TRAM1: variants seen among roughly 807,000 people sequenced by gnomAD.
TRAM1 encodes translocating chain-associated membrane protein 1.
TRAM1 carries 17 observed loss-of-function variants against 48.7 expected under a neutral mutation model. That is an observed-to-expected ratio of 0.35 (90% CI 0.24 to 0.52). The LOEUF (loss-of-function observed/expected upper bound fraction) is 0.52. TRAM1 is among the 20% of genes least tolerant of loss of function. The probability of loss-of-function intolerance (pLI) is 0.94; values close to 1 mark genes in which losing one functional copy is unlikely to be tolerated. For synonymous variants in TRAM1, 182 were observed against 154.0 expected (o/e 1.18, Z -1.34); for missense variants, 351 against 441.5 (o/e 0.79, Z 1.84).
chr8:70,579,170 C>T (rs1210985171), intron 10 of TRAM1, among the ~76,000 whole-genome samples: 2 of 152,206 alleles, frequency 1.3e-5, no homozygotes, highest in Admixed American at 6.5e-5. Flanking sequence ...ACAGAATGTA[C>T]TTCCACAAAT....
Position 70,608,185 on chromosome 8 carries a change from C to G in TRAM1, c.15G>C (p.Lys5Asn). Residue 5 changes from lysine (K) to asparagine (N), a missense_variant, in exon 1 of 11, where the codon AAG becomes AAC. Physicochemically the swap from Lys to Asn is moderately conservative, Grantham distance 94 (BLOSUM62 0). Coordinates refer to ENST00000262213, the MANE Select transcript of TRAM1 (RefSeq NM_014294.6). MAIRKKSTKSPPVLS... is the reference protein window; with the variant it reads MAIRNKSTKSPPVLS... Reference sequence around the variant, plus strand: ...GCACTGGGGGGCTCTTGGTGCTTTTCTTGCGAATCGCCATGGTGGGGCCGC... The same window carrying G: ...GCACTGGGGGGCTCTTGGTGCTTTTGTTGCGAATCGCCATGGTGGGGCCGC... 6.3e-7 allele frequency: 1 copy of G among 1,588,938 alleles called. No homozygotes were observed. The highest frequency in any genetic ancestry group is 8.6e-7 in the Non-Finnish European group (1 of 1,169,390).
chr8:70,603,274 CTATA>C (rs911182396), intron 1 of TRAM1, among the ~76,000 whole-genome samples: 1 of 148,330 alleles, frequency 6.7e-6, no homozygotes, highest in Non-Finnish European at 1.5e-5. Context: ...CAATATATAT[CTATA>C]TATACACACT....
chr8:70,585,419 G>C (rs1003666238), intron 8 of TRAM1, among the ~76,000 whole-genome samples: 1 of 151,998 alleles, frequency 6.6e-6, no homozygotes, highest in African/African-American at 2.4e-5. Context: ...AGCCAAAATA[G>C]ACAAATGGGA....
intron 1 of TRAM1, among the ~76,000 whole-genome samples, chr8:70,601,388 CAAGG>C (rs1289285397): frequency 6.6e-6 from 1 of 152,184 alleles, no homozygotes; most frequent in Non-Finnish European, 1.5e-5. Context: ...TACACCTTTT[CAAGG>C]AAGTCTCCCT....
At chr8:70,603,770 T>C (rs542846906) in intron 1 of TRAM1, among the ~76,000 whole-genome samples, 23 of 152,260 alleles carry the variant, frequency 1.5e-4, no homozygotes, top group Non-Finnish European at 2.9e-4. Flanking sequence ...AAATTTAGCA[T>C]CAAATTCTAA....
At chr8:70,586,874 T>C (rs61412217) in intron 8 of TRAM1, 21 bp downstream of exon 8, 124,405 of 1,596,022 alleles carry the variant, frequency 0.078, 5,375 homozygotes, top group Middle Eastern at 0.089. Flanking sequence ...ACACGAGAAA[T>C]AGAATGGCTA....
chr8:70,587,430 A>C (rs1463681392), intron 6 of TRAM1: 1 of 410,180 alleles, frequency 2.4e-6, no homozygotes, highest in Non-Finnish European at 4.4e-6. Context: ...CCCCACCGCA[A>C]TCTCTCATCC....
intron 10 of TRAM1, among the ~76,000 whole-genome samples, chr8:70,576,507 C>A (rs2132021522): frequency 6.6e-6 from 1 of 152,312 alleles, no homozygotes; most frequent in Middle Eastern, 3.4e-3. Flanking sequence ...TAGACAAATT[C>A]CTTGAAAAAC....
At chr8:70,594,313 T>TG (rs1342133444) in intron 6 of TRAM1, among the ~76,000 whole-genome samples, 193 bp downstream of exon 6, 1 of 151,154 alleles carries the variant, frequency 6.6e-6, no homozygotes, top group Non-Finnish European at 1.5e-5. Context: ...AGGTTTTTTT[T>TG]TTTTTTTTTT....
chr8:70,574,831 A>G lies in TRAM1; in HGVS notation c.*101T>C. 1.2e-6 allele frequency: 1 copy of G among 842,054 alleles called. No homozygotes were observed. Among genetic ancestry groups the G allele is most frequent in the Non-Finnish European group, 1.9e-6 (1 of 534,246 alleles). 52.2% of individuals were successfully genotyped at this position (842,054 alleles called of 1,614,324 possible). A position where few individuals can be genotyped will look rare whatever the true frequency, so the allele number is the denominator to read the frequency against. On this transcript the variant is annotated 3_prime_UTR_variant, in exon 11 of 11. Transcript: ENST00000262213. ...AACCGTACAATAGCAAAAATCAAAGAGCACAGACTGTATTTTCAAGAACAG... is the reference window on the plus strand; with the variant it reads ...AACCGTACAATAGCAAAAATCAAAGGGCACAGACTGTATTTTCAAGAACAG...
intron 6 of TRAM1, among the ~76,000 whole-genome samples, chr8:70,591,162 G>A (rs1039258450): frequency 1.1e-4 from 16 of 152,102 alleles, no homozygotes; most frequent in African/African-American, 2.7e-4. Context: ...TTTTAGAGAT[G>A]AGTCTCATTA....
At chr8:70,606,949 C>T in intron 1 of TRAM1, 2 of 983,160 alleles carry the variant, frequency 2.0e-6, no homozygotes, top group Non-Finnish European at 1.2e-6. Context: ...TTTTTTTAAG[C>T]ACTCCTATGT....
At chr8:70,589,635 C>T (rs559208777) in intron 6 of TRAM1, among the ~76,000 whole-genome samples, 8 of 152,140 alleles carry the variant, frequency 5.3e-5, no homozygotes, top group Admixed American at 1.3e-4. Flanking sequence ...CCCAGGAGTT[C>T]GAAACCAGCC....
intron 6 of TRAM1, among the ~76,000 whole-genome samples, chr8:70,593,856 G>C (rs1468061558): frequency 6.6e-6 from 1 of 152,112 alleles, no homozygotes; most frequent in Non-Finnish European, 1.5e-5. Flanking sequence ...GGTTTCAGAA[G>C]GGAGAGGGTA....
At position 70,593,315 on chromosome 8, in the gene TRAM1, G is replaced by A. The variant is rs566197452; in HGVS notation, c.570+1191C>T. 3.5e-4 allele frequency among the ~76,000 whole-genome samples: 53 copies of A among 151,778 alleles called. 2 individuals carry two copies. The Middle Eastern group carries it at 0.014, about 39-fold the overall frequency. On this transcript the variant is annotated intron_variant, in intron 6 of 10. Coordinates refer to ENST00000262213, the MANE Select transcript of TRAM1 (RefSeq NM_014294.6). ...ACTATTTGTAGCACACATAAAAATAGTGTTTTATGGCTTTTGAGTAGGCAA... is the reference window on the plus strand; with the variant it reads ...ACTATTTGTAGCACACATAAAAATAATGTTTTATGGCTTTTGAGTAGGCAA...
At position 70,608,288 on chromosome 8, in the gene TRAM1, TGCTCCTCACGGCCCCGCTGCAGCC is replaced by T; in HGVS notation, c.-113_-90del. 1 of 1,468,862 alleles carries T rather than the reference TGCTCCTCACGGCCCCGCTGCAGCC, an allele frequency of 6.8e-7. No homozygotes were observed. The highest frequency in any genetic ancestry group is 9.0e-7 in the Non-Finnish European group (1 of 1,111,348). The allele number at this position is 1,468,862 out of a possible 1,614,324, so 91.0% of individuals were successfully genotyped here. A position where few individuals can be genotyped will look rare whatever the true frequency, so the allele number is the denominator to read the frequency against. On this transcript the variant is annotated 5_prime_UTR_variant, in exon 1 of 11. Transcript: ENST00000262213. ...CGACTCGCCGCCGCCTCCCGCTGGC[TGCTCCTCACGGCCCCGCTGCAGCC>T]GCTCGCTGGGGCTTCACTTCCCATC...
chr8:70,605,440 T>C (rs1468434412), intron 1 of TRAM1, among the ~76,000 whole-genome samples: 1 of 152,222 alleles, frequency 6.6e-6, no homozygotes, highest in African/African-American at 2.4e-5. Flanking sequence ...TGGCTAGTAA[T>C]ACAGTATTTC....
chr8:70,579,707 C>T (rs903333512), intron 10 of TRAM1, among the ~76,000 whole-genome samples: 3 of 152,088 alleles, frequency 2.0e-5, no homozygotes, highest in African/African-American at 4.8e-5. Flanking sequence ...AAATGATGTA[C>T]AGAAGAGAAC....
At chr8:70,593,369 AC>A (rs1369602068) in intron 6 of TRAM1, among the ~76,000 whole-genome samples, 1 of 151,776 alleles carries the variant, frequency 6.6e-6, no homozygotes, top group Non-Finnish European at 1.5e-5. Context: ...ACTGGCTGTC[AC>A]ACTTTCACTC....
Sources: allele counts gnomAD v4.1 joint callset (sites outside exome capture counted in the v4.1 genomes callset), GRCh38; gene constraint gnomAD v4.1.1; transcripts MANE v1.5; gene names NCBI Gene and HGNC (gene_info 2026-07-23, HGNC 2026-07-21).